The following GALNTL6 variants were observed in gnomAD, a reference collection of about 807,000 sequenced individuals.
The protein encoded by GALNTL6 is polypeptide N-acetylgalactosaminyltransferase like 6.
Under a neutral mutation model 73.7 loss-of-function variants are expected in GALNTL6, and 46 were observed. That is an observed-to-expected ratio of 0.62 (90% confidence interval 0.49 to 0.80). GALNTL6 has a LOEUF of 0.80. Ranked by LOEUF, GALNTL6 falls within the 30% of genes least tolerant of loss-of-function variation. The pLI, the probability that GALNTL6 is intolerant of heterozygous loss-of-function variation, is 0.00. For synonymous variants in GALNTL6, 259 were observed against 263.7 expected (o/e 0.98, Z 0.17); for missense variants, 604 against 755.0 (o/e 0.80, Z 2.34).
At chr4:172,677,600 A>G (rs1299250561) in intron 5 of GALNTL6, among the ~76,000 whole-genome samples, 2 of 152,062 alleles carry the variant, frequency 1.3e-5, no homozygotes, top group African/African-American at 4.8e-5. Context: ...AGTAGAATAA[A>G]GGGTAAAATA....
intron 5 of GALNTL6, among the ~76,000 whole-genome samples, chr4:172,753,741 G>A (rs1737569714): frequency 6.6e-6 from 1 of 152,062 alleles, no homozygotes; most frequent in Admixed American, 6.5e-5. Flanking sequence ...AAAATATCTA[G>A]ATTAGTTTGC....
intron 5 of GALNTL6, among the ~76,000 whole-genome samples, chr4:172,620,757 T>C (rs928795332): frequency 1.1e-4 from 17 of 152,196 alleles, no homozygotes; most frequent in African/African-American, 3.9e-4. Flanking sequence ...TTGAGGATTC[T>C]TTACACAGAG....
intron 2 of GALNTL6, among the ~76,000 whole-genome samples, chr4:172,140,374 T>C (rs1051616701): frequency 2.0e-5 from 3 of 152,118 alleles, no homozygotes; most frequent in African/African-American, 7.2e-5. Flanking sequence ...ATTAAATTCC[T>C]CTCACAGATA....
At chr4:172,497,050 T>C (rs566969302) in intron 5 of GALNTL6, among the ~76,000 whole-genome samples, 107 of 152,290 alleles carry the variant, frequency 7.0e-4, no homozygotes, top group African/African-American at 2.5e-3. Flanking sequence ...AAAAATAAAG[T>C]GCCTTTCAAT....
At chr4:172,710,264 T>A (rs1160873353) in intron 5 of GALNTL6, among the ~76,000 whole-genome samples, 1 of 152,158 alleles carries the variant, frequency 6.6e-6, no homozygotes. Context: ...AATGTTCTTA[T>A]ATTTTGATTC....
At chr4:172,299,974 A>G (rs1023846306) in intron 3 of GALNTL6, among the ~76,000 whole-genome samples, 10 of 152,084 alleles carry the variant, frequency 6.6e-5, no homozygotes, top group African/African-American at 2.4e-4. Flanking sequence ...GGGGTGTTAA[A>G]GTCTCCCATT....
chr4:172,943,095 CT>C (rs201726639), intron 9 of GALNTL6, among the ~76,000 whole-genome samples: 8,394 of 141,988 alleles, frequency 0.059, 459 homozygotes, highest in African/African-American at 0.15. Flanking sequence ...TCCTATTATC[CT>C]TTTTTTTTTT....
chr4:172,719,113 T>C (rs1453059425), intron 5 of GALNTL6, among the ~76,000 whole-genome samples: 2 of 152,226 alleles, frequency 1.3e-5, no homozygotes, highest in African/African-American at 4.8e-5. Context: ...CTTAATAATG[T>C]ATACATTTAA....
chr4:172,621,558 A>G (rs1173890923), intron 5 of GALNTL6, among the ~76,000 whole-genome samples: 1 of 152,160 alleles, frequency 6.6e-6, no homozygotes, highest in East Asian at 1.9e-4. Context: ...CTAAAATATT[A>G]TTTTGTTTAT....
At chr4:172,914,072 TG>T (rs1031999202) in intron 8 of GALNTL6, among the ~76,000 whole-genome samples, 6 of 151,644 alleles carry the variant, frequency 4.0e-5, no homozygotes, top group East Asian at 1.9e-4. Flanking sequence ...GCCAGAAGGT[TG>T]GGGGGGTGGT....
At position 172,002,506 on chromosome 4, in the gene GALNTL6, T is replaced by C. The variant is rs566453167; in HGVS notation, c.138+187788T>C. On this transcript the variant is annotated intron_variant, in intron 2 of 12. Coordinates refer to ENST00000506823, the MANE Select transcript of GALNTL6 (RefSeq NM_001034845.3). ...TGTTTATAAGCCACAAAGTCTATGATATTTTGTTATAGCAGTCCAGACATA... is the reference window on the plus strand; with the variant it reads ...TGTTTATAAGCCACAAAGTCTATGACATTTTGTTATAGCAGTCCAGACATA... 3.7e-4 allele frequency among the ~76,000 whole-genome samples: 57 copies of C among 152,298 alleles called. No homozygotes were observed. The South Asian group carries it at 0.011, about 28-fold the overall frequency.
intron 5 of GALNTL6, among the ~76,000 whole-genome samples, chr4:172,421,564 C>A (rs1429898411): frequency 6.6e-6 from 1 of 151,444 alleles, no homozygotes; most frequent in East Asian, 1.9e-4. Flanking sequence ...AAATATATAG[C>A]AAATAATTTT....
chr4:172,654,277 A>T (rs1282551924), intron 5 of GALNTL6, among the ~76,000 whole-genome samples: 1 of 152,196 alleles, frequency 6.6e-6, no homozygotes, highest in African/African-American at 2.4e-5. Flanking sequence ...TGTGCACTGT[A>T]AGTACAATTA....
intron 2 of GALNTL6, among the ~76,000 whole-genome samples, chr4:171,993,788 C>G (rs1449387735): frequency 1.3e-5 from 2 of 150,960 alleles, no homozygotes; most frequent in East Asian, 3.9e-4. Flanking sequence ...TGGAGAAAGA[C>G]ATTATATATA....
chr4:172,803,304 T>C (rs1740763736), intron 5 of GALNTL6, among the ~76,000 whole-genome samples: 1 of 152,194 alleles, frequency 6.6e-6, no homozygotes, highest in African/African-American at 2.4e-5. Context: ...CTGCCTCCTG[T>C]CAGATCAGCA....
intron 12 of GALNTL6, among the ~76,000 whole-genome samples, chr4:173,036,112 T>C (rs1248636655): frequency 6.6e-6 from 1 of 152,168 alleles, no homozygotes; most frequent in Non-Finnish European, 1.5e-5. Flanking sequence ...TGTCCAAGAT[T>C]ACATAGCAGG....
intron 3 of GALNTL6, among the ~76,000 whole-genome samples, chr4:172,251,967 A>G (rs902783023): frequency 2.6e-5 from 4 of 152,174 alleles, no homozygotes; most frequent in Admixed American, 2.6e-4. Flanking sequence ...TAGCAAGTAT[A>G]GAAGCAGATG....
intron 5 of GALNTL6, among the ~76,000 whole-genome samples, chr4:172,354,445 A>T (rs1742078489): frequency 6.6e-6 from 1 of 152,124 alleles, no homozygotes; most frequent in Non-Finnish European, 1.5e-5. Context: ...CGTGTTGCAT[A>T]AAAGTTAAAT....
chr4:172,894,497 T>A (rs1034279670), intron 8 of GALNTL6, among the ~76,000 whole-genome samples: 4 of 152,338 alleles, frequency 2.6e-5, no homozygotes, highest in African/African-American at 9.6e-5. Context: ...TGGTACAGTT[T>A]ACAAAGTTTT....
Sources: allele counts gnomAD v4.1 joint callset (sites outside exome capture counted in the v4.1 genomes callset), GRCh38; gene constraint gnomAD v4.1.1; transcripts MANE v1.5; gene names NCBI Gene and HGNC (gene_info 2026-07-23, HGNC 2026-07-21).